POU3F2: variants seen among roughly 807,000 people sequenced by gnomAD.
POU3F2 encodes the protein POU domain, class 3, transcription factor 2.
Under a neutral mutation model 33.1 loss-of-function variants are expected in POU3F2, and 11 were observed. That is an observed-to-expected ratio of 0.33 (90% CI 0.21 to 0.55). The LOEUF is 0.55. POU3F2 is among the 20% of genes least tolerant of loss of function. The pLI, the probability that POU3F2 is intolerant of heterozygous loss-of-function variation, is 0.91. For missense variants in POU3F2, 456 were observed against 620.2 expected (o/e 0.74, Z 2.81); for synonymous variants, 332 against 289.6 (o/e 1.15, Z -1.49).
At position 98,835,323 on chromosome 6, in the gene POU3F2, G is replaced by T; in HGVS notation, c.450G>T (p.Arg150=). The T allele has an allele frequency of 6.5e-7, 1 of 1,545,228 alleles. No homozygotes were observed. Residue 150 remains arginine (R), a synonymous_variant, in exon 1 of 1, where the codon CGG becomes CGT. Coordinates refer to ENST00000328345, the MANE Select transcript of POU3F2 (RefSeq NM_005604.4). The surrounding 1 kb of genome is among the most constrained non-coding windows in gnomAD (Gnocchi z 9.7). ...QQQQQQQQQQ[R]PPHLVHHAAN... is the part of the protein sequence containing the mutation. ...AGCAGCAGCAGCAGCAGCAACAGCGGCCGCCGCATCTGGTGCACCACGCCG... is the reference window on the plus strand; with the variant it reads ...AGCAGCAGCAGCAGCAGCAACAGCGTCCGCCGCATCTGGTGCACCACGCCG...
chr6:98,834,610 G>T lies in POU3F2; in HGVS notation c.-264G>T. ...GAGAGCAGGGAGAGGGGGGAGCGCC[G>T]AGCTAGTCAGAGAGTGAGCGAGAGC... On this transcript the variant is annotated 5_prime_UTR_variant, in exon 1 of 1. Transcript: ENST00000328345. 4.0e-6 allele frequency: 2 copies of T among 497,720 alleles called. No homozygotes were observed. The highest frequency in any genetic ancestry group is 4.4e-5 in the South Asian group (2 of 45,128). The allele number at this position is 497,720 out of a possible 1,614,324, so 30.8% of individuals were successfully genotyped here.
rs1037226062 is a variant in POU3F2 at position 98,839,032 on chromosome 6, T to C, written c.*2827T>C. The C allele has an allele frequency of 1.3e-5, 2 of 152,124 alleles. No homozygotes were observed. The highest frequency in any genetic ancestry group is 4.8e-5 in the African/African-American group (2 of 41,516). 9.4% of individuals were successfully genotyped at this position (152,124 alleles called of 1,614,324 possible). On this transcript the variant is annotated 3_prime_UTR_variant, in exon 1 of 1. Coordinates refer to ENST00000328345, the MANE Select transcript of POU3F2 (RefSeq NM_005604.4). ...AATGGAGACTACTGGTCTAATTCAC[T>C]TTACTTTGCAAAAACTATCAGTCCC...
rs1288684683 is a variant in POU3F2, at chr6:98,837,860, A to G, written c.*1655A>G. ...AAATAAATACCATTAAACTGTGATC[A>G]GTTAAAATTTAAAAGAAAAATCAGC... On this transcript the variant is annotated 3_prime_UTR_variant, in exon 1 of 1. Transcript: ENST00000328345. 1 of 166,768 alleles carries G rather than the reference A, an allele frequency of 6.0e-6. No homozygotes were observed. Among genetic ancestry groups the G allele is most frequent in the African/African-American group, 2.4e-5 (1 of 41,472 alleles). The allele number at this position is 166,768 out of a possible 1,614,324, so 10.3% of individuals were successfully genotyped here.
Position 98,834,990 on chromosome 6 carries a change from C to A in POU3F2, c.117C>A (p.Ser39Arg), listed in dbSNP as rs753914866. Residue 39 changes from serine (S) to arginine (R), a missense_variant, in exon 1 of 1, where the codon AGC becomes AGA. Transcript: ENST00000328345. The stretch of plus-strand genomic sequence containing the variant: ...CGGGGGGCTACCGCGAAGCGCAGAG[C>A]CTGGTGCAGGGCGACTACGGCGCTC... ...QGAGGYREAQ[S>R]LVQGDYGALQ... 9 of 1,596,478 alleles carry A rather than the reference C, an allele frequency of 5.6e-6. No homozygotes were observed. Among genetic ancestry groups the A allele is most frequent in the Non-Finnish European group, 8.5e-7 (1 of 1,177,602 alleles).
In POU3F2 at chr6:98,837,760, A is replaced by G. The variant is rs66683016; in HGVS notation, c.*1555A>G. 9,366 of 167,068 alleles carry G rather than the reference A, an allele frequency of 0.056. 313 individuals are homozygous for G. Among genetic ancestry groups the G allele is most frequent in the Middle Eastern group, 0.13 (38 of 296 alleles). The allele number at this position is 167,068 out of a possible 1,614,324, so 10.3% of individuals were successfully genotyped here. On this transcript the variant is annotated 3_prime_UTR_variant, in exon 1 of 1. Coordinates refer to ENST00000328345, the MANE Select transcript of POU3F2 (RefSeq NM_005604.4). ...TTAAGTGAATTTTTGACCTTATCTT[A>G]ATGGAAAACGGTTAACTCCAAACAC...
In POU3F2 at chr6:98,835,965, C is replaced by A. The variant is rs757489705; in HGVS notation, c.1092C>A (p.Ser364Arg). ...KRKKRTSIEV[S>R]VKGALESHFL... ...AAAAGCGGACCTCCATCGAGGTGAGCGTCAAGGGGGCTCTGGAGAGCCATT... is the reference window on the plus strand; with the variant it reads ...AAAAGCGGACCTCCATCGAGGTGAGAGTCAAGGGGGCTCTGGAGAGCCATT... Residue 364 changes from serine to arginine, a missense_variant, in exon 1 of 1, where the codon AGC becomes AGA. Transcript: ENST00000328345. This position sits in a 1 kb window ranked among gnomAD's most constrained non-coding sequence, Gnocchi z 9.7. 4.3e-6 allele frequency: 7 copies of A among 1,614,048 alleles called. No homozygotes were observed. The highest frequency in any genetic ancestry group is 2.5e-6 in the Non-Finnish European group (3 of 1,180,030).
At position 98,838,281 on chromosome 6, in the gene POU3F2, A is replaced by G. The variant is rs540232403; in HGVS notation, c.*2076A>G. ...AGTGAAGCTATCCAGAGCAGGGCAA[A>G]TAGCCACTGGTAAAGGGAGGAAATG... On this transcript the variant is annotated 3_prime_UTR_variant, in exon 1 of 1. Transcript: ENST00000328345. The G allele has an allele frequency of 1.4e-3, 239 of 167,148 alleles. No homozygotes were observed. The highest frequency in any genetic ancestry group is 2.7e-3 in the Admixed American group (42 of 15,298). The allele number at this position is 167,148 out of a possible 1,614,324, so 10.4% of individuals were successfully genotyped here.
rs1769979523 is a variant in POU3F2, at chr6:98,835,283, A to C, written c.410A>C (p.Gln137Pro). 1 of 1,545,362 alleles carries C rather than the reference A, an allele frequency of 6.5e-7. No individual in the cohort carries two copies. Residue 137 changes from glutamine (Q) to proline (P), a missense_variant, in exon 1 of 1, where the codon CAG becomes CCG. This residue lies in a region of POU3F2 where 341 missense variants were observed against 382.4 expected (regional missense o/e 0.89). Coordinates refer to ENST00000328345, the MANE Select transcript of POU3F2 (RefSeq NM_005604.4). The surrounding 1 kb of genome is among the most constrained non-coding windows in gnomAD (Gnocchi z 9.7). ...QHQQQQQQQQ[Q>P]QQQQQQQQQQ... The stretch of plus-strand genomic sequence containing the variant: ...CAGCAGCAGCAACAGCAACAGCAGC[A>C]GCAACAGCAGCAACAGCAGCAGCAG...
rs1397477811 is a variant in POU3F2 at position 98,838,331 on chromosome 6, T to C, written c.*2126T>C. 1 of 167,044 alleles carries C rather than the reference T, an allele frequency of 6.0e-6. No homozygotes were observed. Among genetic ancestry groups the C allele is most frequent in the Non-Finnish European group, 1.5e-5 (1 of 68,128 alleles). 10.3% of individuals were successfully genotyped at this position (167,044 alleles called of 1,614,324 possible). The stretch of plus-strand genomic sequence containing the variant: ...GAATTTCCAGATACTTATTACCAAG[T>C]AGGTAAGGTCAGAAGCTGGAGTTCA... On this transcript the variant is annotated 3_prime_UTR_variant, in exon 1 of 1. Coordinates refer to ENST00000328345, the MANE Select transcript of POU3F2 (RefSeq NM_005604.4).
rs1285453889 is a variant in POU3F2, at chr6:98,835,896, C to T, written c.1023C>T (p.Ser341=). The change falls in exon 1 of 1, where the codon AGC becomes AGT. Residue 341 remains serine (S), a synonymous_variant. Coordinates refer to ENST00000328345, the MANE Select transcript of POU3F2 (RefSeq NM_005604.4). The surrounding 1 kb of genome is among the most constrained non-coding windows in gnomAD (Gnocchi z 9.7). Reference sequence around the variant, plus strand: ...AGGAGGCGGACTCGTCCTCGGGCAGCCCCACGAGCATAGACAAGATCGCAG... The same window carrying T: ...AGGAGGCGGACTCGTCCTCGGGCAGTCCCACGAGCATAGACAAGATCGCAG... ...WLEEADSSSG[S]PTSIDKIAAQ... 1 of 1,614,066 alleles carries T rather than the reference C, an allele frequency of 6.2e-7. No individual in the cohort carries two copies. Among genetic ancestry groups the T allele is most frequent in the Non-Finnish European group, 8.5e-7 (1 of 1,180,052 alleles).
chr6:98,836,337 A>G lies in POU3F2; in HGVS notation c.*132A>G, dbSNP rs1769998866. 1 of 1,189,044 alleles carries G rather than the reference A, an allele frequency of 8.4e-7. No individual in the cohort carries two copies. 73.7% of individuals were successfully genotyped at this position (1,189,044 alleles called of 1,614,324 possible). A position where few individuals can be genotyped will look rare whatever the true frequency, so the allele number is the denominator to read the frequency against. ...TTTAATTATTATTTCCCCGTCCCTT[A>G]AAAAGACAAAAAAAATAAGGCAAAA... On this transcript the variant is annotated 3_prime_UTR_variant, in exon 1 of 1. Coordinates refer to ENST00000328345, the MANE Select transcript of POU3F2 (RefSeq NM_005604.4).
Position 98,835,141 on chromosome 6 carries a change from G to A in POU3F2, c.268G>A (p.Gly90Ser). The A allele has an allele frequency of 8.0e-7, 1 of 1,251,932 alleles. No homozygotes were observed. Among genetic ancestry groups the A allele is most frequent in the Non-Finnish European group, 1.0e-6 (1 of 998,328 alleles). The allele number at this position is 1,251,932 out of a possible 1,614,324, so 77.6% of individuals were successfully genotyped here. ...GGGGGGGGGD[G>S]SPWSTSPLGQ... Reference sequence around the variant, plus strand: ...GGGCGGCGGCGGGGGCGGCGGCGACGGCTCCCCGTGGTCCACCAGCCCCCT... The same window carrying A: ...GGGCGGCGGCGGGGGCGGCGGCGACAGCTCCCCGTGGTCCACCAGCCCCCT... Residue 90 changes from glycine (G) to serine (S), a missense_variant, in exon 1 of 1, where the codon GGC (glycine) becomes AGC (serine). By Grantham distance (56) the Gly-to-Ser change is moderately conservative. Around this residue, in one of 6 missense-constraint regions of POU3F2, gnomAD observed 341 missense variants for 382.4 expected, o/e 0.89. Coordinates refer to ENST00000328345, the MANE Select transcript of POU3F2 (RefSeq NM_005604.4). The surrounding 1 kb of genome is among the most constrained non-coding windows in gnomAD (Gnocchi z 9.7).
At position 98,836,358 on chromosome 6, in the gene POU3F2, C is replaced by G; in HGVS notation, c.*153C>G. The G allele has an allele frequency of 9.5e-7, 1 of 1,054,258 alleles. No individual in the cohort carries two copies. The highest frequency in any genetic ancestry group is 2.9e-5 in the East Asian group (1 of 34,594). 65.3% of individuals were successfully genotyped at this position (1,054,258 alleles called of 1,614,324 possible). A position where few individuals can be genotyped will look rare whatever the true frequency, so the allele number is the denominator to read the frequency against. On this transcript the variant is annotated 3_prime_UTR_variant, in exon 1 of 1. Coordinates refer to ENST00000328345, the MANE Select transcript of POU3F2 (RefSeq NM_005604.4). ...CCTTAAAAAGACAAAAAAAATAAGG[C>G]AAAAGGAAAGCAACTAAGACACTGG...
Position 98,835,073 on chromosome 6 carries a change from ACGGCGGCGG to A in POU3F2, c.207_215del (p.Gly86_Gly88del), listed in dbSNP as rs751627810. On this transcript the variant is annotated inframe_deletion, in exon 1 of 1. Transcript: ENST00000328345. The surrounding 1 kb of genome is among the most constrained non-coding windows in gnomAD (Gnocchi z 9.7). ...CACCAGTGGATCACCGCGCTGTCCC[ACGGCGGCGG>A]CGGCGGGGGCGGTGGCGGCGGCGGG... 1 of 1,215,800 alleles carries A rather than the reference ACGGCGGCGG, an allele frequency of 8.2e-7. No individual in the cohort carries two copies. Among genetic ancestry groups the A allele is most frequent in the African/African-American group, 1.6e-5 (1 of 62,680 alleles). 75.3% of individuals were successfully genotyped at this position (1,215,800 alleles called of 1,614,324 possible).
chr6:98,835,405 C>T lies in POU3F2; in HGVS notation c.532C>T (p.Pro178Ser). 1 of 1,585,468 alleles carries T rather than the reference C, an allele frequency of 6.3e-7. No individual in the cohort carries two copies. The highest frequency in any genetic ancestry group is 2.3e-5 in the East Asian group (1 of 42,658). The change falls in exon 1 of 1, where the codon CCA becomes TCA. Residue 178 changes from proline (P) to serine (S), a missense_variant. Around this residue, in one of 6 missense-constraint regions of POU3F2, gnomAD observed 341 missense variants for 382.4 expected, o/e 0.89. Transcript: ENST00000328345. This position sits in a 1 kb window ranked among gnomAD's most constrained non-coding sequence, Gnocchi z 9.7. The part of the protein sequence containing the change: ...WRSAAAAAHL[P>S]PSMGASNGGL... Reference sequence around the variant, plus strand: ...GAGCGCGGCGGCTGCAGCGCACCTCCCACCCTCCATGGGAGCGTCCAACGG... The same window carrying T: ...GAGCGCGGCGGCTGCAGCGCACCTCTCACCCTCCATGGGAGCGTCCAACGG...
In POU3F2 at chr6:98,834,577, G is replaced by C. The variant is rs1451893060; in HGVS notation, c.-297G>C. On this transcript the variant is annotated 5_prime_UTR_variant, in exon 1 of 1. Coordinates refer to ENST00000328345, the MANE Select transcript of POU3F2 (RefSeq NM_005604.4). ...CCGGCGCTGCCAAGAGAGCGGGAGA[G>C]AGCTGGAGAGAGCAGGGAGAGGGGG... is the stretch of plus-strand genomic sequence containing the variant. 1.7e-5 allele frequency: 7 copies of C among 423,306 alleles called. No homozygotes were observed. The South Asian group carries it at 1.9e-4, about 11-fold the overall frequency. 26.2% of individuals were successfully genotyped at this position (423,306 alleles called of 1,614,324 possible).
In POU3F2 at chr6:98,835,528, CACG is replaced by C. The variant is rs1222891448; in HGVS notation, c.660_662del (p.Asp220del). ...GCACCACCACGGCCTGCGGGACGCG[CACG>C]ACGAGCCACACCATGCCGACCACCA... On this transcript the variant is annotated inframe_deletion, in exon 1 of 1. Coordinates refer to ENST00000328345, the MANE Select transcript of POU3F2 (RefSeq NM_005604.4). This position sits in a 1 kb window ranked among gnomAD's most constrained non-coding sequence, Gnocchi z 9.7. 1 of 1,565,836 alleles carries C rather than the reference CACG, an allele frequency of 6.4e-7. No homozygotes were observed. The highest frequency in any genetic ancestry group is 1.8e-5 in the Admixed American group (1 of 54,168).
rs1249375489 is a variant in POU3F2, at chr6:98,836,142, G to T, written c.1269G>T (p.Glu423Asp). Residue 423 changes from glutamate (E) to aspartate (D), a missense_variant, in exon 1 of 1, where the codon GAG (glutamate) becomes GAT (aspartate). Physicochemically the swap from Glu to Asp is conservative, Grantham distance 45 (BLOSUM62 2). This residue lies in a region of POU3F2 where 46 missense variants were observed against 45.6 expected (regional missense o/e 1.01). Transcript: ENST00000328345. Reference protein sequence around the residue: ...TPPGGTLPGAEDVYGGSRDTP... With the variant: ...TPPGGTLPGADDVYGGSRDTP... ...CCGGAGGGACTCTGCCGGGCGCCGA[G>T]GATGTGTACGGGGGGAGTAGGGACA... The T allele has an allele frequency of 3.7e-6, 6 of 1,604,818 alleles. No individual in the cohort carries two copies. Among genetic ancestry groups the T allele is most frequent in the Non-Finnish European group, 5.1e-6 (6 of 1,177,804 alleles).
rs1770036427 is a variant in POU3F2 at position 98,838,969 on chromosome 6, T to C, written c.*2764T>C. Reference sequence around the variant, plus strand: ...TAAATTTTATGCATATACTGCCAGATTTGATGTTCATAACTTTCAGAGGCT... The same window carrying C: ...TAAATTTTATGCATATACTGCCAGACTTGATGTTCATAACTTTCAGAGGCT... On this transcript the variant is annotated 3_prime_UTR_variant, in exon 1 of 1. Transcript: ENST00000328345. 1 of 151,954 alleles carries C rather than the reference T, an allele frequency of 6.6e-6. No homozygotes were observed. The highest frequency in any genetic ancestry group is 2.4e-5 in the African/African-American group (1 of 41,356). 9.4% of individuals were successfully genotyped at this position (151,954 alleles called of 1,614,324 possible). A position where few individuals can be genotyped will look rare whatever the true frequency, so the allele number is the denominator to read the frequency against.
Sources: gnomAD v4.1 joint callset for allele counts on GRCh38, gnomAD v4.1.1 for gene constraint, gnomAD v4.1.1 regional missense constraint, Gnocchi (gnomAD v3.1) non-coding constraint, MANE v1.5 for transcripts, NCBI Gene and HGNC (gene_info 2026-07-23, HGNC 2026-07-21) for gene names.